Variants in ZBTB44 observed in about 807,000 individuals in gnomAD.
ZBTB44 encodes the protein zinc finger and BTB domain-containing protein 44.
Under a neutral mutation model 54.0 loss-of-function variants are expected in ZBTB44, and 15 were observed. That is an observed-to-expected ratio of 0.28 (90% CI 0.19 to 0.43). The LOEUF (loss-of-function observed/expected upper bound fraction) is 0.43. Ranked by LOEUF, ZBTB44 falls within the 20% of genes least tolerant of loss-of-function variation. ZBTB44 has a pLI of 1.00. For synonymous variants in ZBTB44, 230 were observed against 250.1 expected, an observed-to-expected ratio of 0.92 and a Z score of 0.76; for missense variants, 487 against 707.1, an observed-to-expected ratio of 0.69 and a Z score of 3.53.
At chr11:130,277,323 C>A (rs759704674) in intron 1 of ZBTB44, among the ~76,000 whole-genome samples, 1 of 152,158 alleles carries the variant, frequency 6.6e-6, no homozygotes, top group African/African-American at 2.4e-5. Flanking sequence ...ATACCAGAAC[C>A]AGCTTCAGAT....
At chr11:130,313,610 C>T (rs1942748829) in intron 1 of ZBTB44, among the ~76,000 whole-genome samples, 1 of 152,132 alleles carries the variant, frequency 6.6e-6, no homozygotes, top group Non-Finnish European at 1.5e-5. Flanking sequence ...CCAAATAAAG[C>T]ATTAAGAAAA....
At chr11:130,252,588 A>G (rs1938107407) in intron 2 of ZBTB44, among the ~76,000 whole-genome samples, 1 of 152,234 alleles carries the variant, frequency 6.6e-6, no homozygotes, top group Non-Finnish European at 1.5e-5. Context: ...CTCAGACCAC[A>G]GTGCCATCAA....
intron 1 of ZBTB44, among the ~76,000 whole-genome samples, chr11:130,305,514 C>A (rs1942218969): frequency 6.6e-6 from 1 of 152,154 alleles, no homozygotes; most frequent in South Asian, 2.1e-4. Flanking sequence ...AGAAAGGACA[C>A]CCTATTCAAC....
intron 1 of ZBTB44, among the ~76,000 whole-genome samples, chr11:130,302,288 T>C (rs1472856309): frequency 6.6e-6 from 1 of 152,130 alleles, no homozygotes; most frequent in Non-Finnish European, 1.5e-5. Flanking sequence ...TGAACCCAGC[T>C]AGCATGCTAA....
At chr11:130,256,951 G>A (rs1009204435) in intron 2 of ZBTB44, among the ~76,000 whole-genome samples, 3 of 151,986 alleles carry the variant, frequency 2.0e-5, no homozygotes, top group African/African-American at 7.2e-5. Flanking sequence ...AGGAAGTCAA[G>A]GGTATTCAAA....
At chr11:130,281,246 G>A (rs1012692465) in intron 1 of ZBTB44, among the ~76,000 whole-genome samples, 15 of 152,112 alleles carry the variant, frequency 9.9e-5, no homozygotes, top group East Asian at 7.7e-4. Flanking sequence ...CAGGCCGGGC[G>A]CGGTGGCTCA....
At chr11:130,309,013 T>C (rs1942432896) in intron 1 of ZBTB44, among the ~76,000 whole-genome samples, 1 of 152,218 alleles carries the variant, frequency 6.6e-6, no homozygotes, top group Admixed American at 6.5e-5. Context: ...TCACAAGCTT[T>C]CTGCACTCAA....
chr11:130,288,130 T>C (rs1941078415), intron 1 of ZBTB44, among the ~76,000 whole-genome samples: 1 of 152,180 alleles, frequency 6.6e-6, no homozygotes, highest in African/African-American at 2.4e-5. Flanking sequence ...CTCAGCACTA[T>C]GGGAGGCTGA....
chr11:130,266,207 C>A (rs1939238251), intron 1 of ZBTB44, among the ~76,000 whole-genome samples: 1 of 152,218 alleles, frequency 6.6e-6, no homozygotes, highest in Non-Finnish European at 1.5e-5. Context: ...TCTGCCTGTG[C>A]TCTGTAAGTG....
intron 1 of ZBTB44, among the ~76,000 whole-genome samples, chr11:130,300,705 A>ACT (rs1192063106): frequency 2.6e-5 from 4 of 152,188 alleles, no homozygotes; most frequent in African/African-American, 9.7e-5. Flanking sequence ...ATAAGATAGA[A>ACT]ACCAAAGTCT....
rs144018235 is a variant in ZBTB44 at position 130,245,462 on chromosome 11, G to A, written c.1019-5566C>T. ...AACTGGAAAAACACCAGTATTTAGC[G>A]TTGGTCCCATGGACATCAAGACCTA... On this transcript the variant is annotated intron_variant, in intron 2 of 7. Coordinates refer to ENST00000357899, the MANE Select transcript of ZBTB44 (RefSeq NM_001301098.2). Among the ~76,000 whole-genome samples the A allele has an allele frequency of 1.6e-3, 244 of 152,244 alleles. 5 individuals are homozygous for A. The South Asian group carries it at 0.034, about 21-fold the overall frequency.
intron 1 of ZBTB44, among the ~76,000 whole-genome samples, chr11:130,293,784 G>A (rs858698): frequency 0.56 from 85,295 of 151,820 alleles, 27,462 homozygotes; most frequent in South Asian, 0.69. Flanking sequence ...CAACAAAAGC[G>A]AAATTCCATC....
chr11:130,265,561 G>A (rs896954264), intron 1 of ZBTB44, among the ~76,000 whole-genome samples: 42 of 152,174 alleles, frequency 2.8e-4, no homozygotes, highest in African/African-American at 9.9e-4. Context: ...CTGAAAGCTA[G>A]ACCTTTTATA....
intron 5 of ZBTB44, chr11:130,236,562 G>T (rs370949765): frequency 5.4e-5 from 22 of 404,250 alleles, no homozygotes; most frequent in African/African-American, 2.9e-4. Context: ...GTCTACTTCT[G>T]CAGGAAAATA....
intron 3 of ZBTB44, 57 bp from the exon 4 acceptor site, chr11:130,238,664 A>C: frequency 6.6e-7 from 1 of 1,515,852 alleles, no homozygotes; most frequent in Non-Finnish European, 8.9e-7. Context: ...CTGAATAAAC[A>C]CTGCTATAGG....
intron 1 of ZBTB44, among the ~76,000 whole-genome samples, chr11:130,267,389 C>A (rs1297597024): frequency 6.6e-6 from 1 of 151,952 alleles, no homozygotes; most frequent in Non-Finnish European, 1.5e-5. Context: ...GCAAGTTATC[C>A]AGAAGAGCTA....
chr11:130,281,453 G>A (rs544095329), intron 1 of ZBTB44, among the ~76,000 whole-genome samples: 2 of 151,872 alleles, frequency 1.3e-5, no homozygotes, highest in African/African-American at 2.4e-5. Context: ...CCAGGAGTTC[G>A]AAACAGCAGT....
intron 1 of ZBTB44, among the ~76,000 whole-genome samples, chr11:130,299,408 C>G (rs972788434): frequency 2.0e-5 from 3 of 152,044 alleles, no homozygotes; most frequent in Admixed American, 2.0e-4. Context: ...TGTAATTCAG[C>G]TAGGCATAGT....
chr11:130,265,258 GCT>G (rs1397862047), intron 1 of ZBTB44, among the ~76,000 whole-genome samples: 1 of 151,932 alleles, frequency 6.6e-6, no homozygotes, highest in African/African-American at 2.4e-5. Context: ...ACGGAATTTT[GCT>G]CTGTCACCCA....
Sources: allele counts gnomAD v4.1 joint callset (sites outside exome capture counted in the v4.1 genomes callset), GRCh38; gene constraint gnomAD v4.1.1; transcripts MANE v1.5; gene names NCBI Gene and HGNC (gene_info 2026-07-23, HGNC 2026-07-21).